The following GSR variants were observed in gnomAD, a reference collection of about 807,000 sequenced individuals.
GSR encodes the protein glutathione reductase, mitochondrial.
A neutral mutation model predicts 56.5 loss-of-function variants in GSR; 48 were observed. The ratio of observed to expected loss-of-function variants is 0.85; its 90% CI spans 0.67 to 1.08. The LOEUF is 1.08. GSR is among the 50% of genes least tolerant of loss of function. The pLI is 0.00. For synonymous variants in GSR, 264 were observed against 270.8 expected (o/e 0.97, Z 0.25); for missense variants, 694 against 703.3 (o/e 0.99, Z 0.15).
At chr8:30,713,068 G>A (rs554728255) in intron 1 of GSR, among the ~76,000 whole-genome samples, 4 of 150,780 alleles carry the variant, frequency 2.7e-5, no homozygotes, top group Admixed American at 6.6e-5. Flanking sequence ...ACGGAGTCTC[G>A]CTTTGTTGCC....
intron 1 of GSR, among the ~76,000 whole-genome samples, chr8:30,713,247 T>C (rs182567597): frequency 6.6e-6 from 1 of 152,196 alleles, no homozygotes; most frequent in Non-Finnish European, 1.5e-5. Flanking sequence ...ATGTTGGCCA[T>C]GCTGGTCTCG....
chr8:30,681,497 C>A (rs1006212870), intron 11 of GSR, among the ~76,000 whole-genome samples: 7 of 151,638 alleles, frequency 4.6e-5, no homozygotes, highest in African/African-American at 1.2e-4. Flanking sequence ...TGCACTCCAG[C>A]CTGGGTGACA....
intron 5 of GSR, 49 bp from the exon 6 acceptor site, chr8:30,700,184 G>C: frequency 2.3e-6 from 3 of 1,286,422 alleles, no homozygotes; most frequent in Non-Finnish European, 3.4e-6. Flanking sequence ...TCTTTCTCTT[G>C]CAAAGTAATC....
In GSR at chr8:30,689,202, CA is replaced by C. The variant is rs1364611737; in HGVS notation, c.999del (p.Ile333MetfsTer10). 8.1e-6 allele frequency: 13 copies of C among 1,614,048 alleles called. No homozygotes were observed. The Middle Eastern group carries it at 4.9e-4, about 61-fold the overall frequency. Reference protein sequence around the residue: ...IPDVDCLLWAIGRVPNTKDLS... With the variant: ...IPDVDCLLWAXGRVPNTKDLS... Reference sequence around the variant, plus strand: ...AGGTCCTTGGTATTCGGGACCCGCCCAATGGCCCAGAGCAGGCAGTCAACAT... The same window carrying C: ...AGGTCCTTGGTATTCGGGACCCGCCCATGGCCCAGAGCAGGCAGTCAACAT... On this transcript the variant is annotated frameshift_variant, in exon 9 of 13. Coordinates refer to ENST00000221130, the MANE Select transcript of GSR (RefSeq NM_000637.5). LOFTEE classifies it high-confidence loss of function.
intron 1 of GSR, among the ~76,000 whole-genome samples, chr8:30,724,164 G>A (rs929542301): frequency 3.9e-5 from 6 of 152,144 alleles, no homozygotes; most frequent in Non-Finnish European, 7.3e-5. Flanking sequence ...TTGAGTCCAG[G>A]AGTTCAATAC....
chr8:30,696,480 C>T lies in GSR; in HGVS notation c.696-1G>A. On this transcript the variant is annotated splice_acceptor_variant, in intron 6 of 12. Coordinates refer to ENST00000221130, the MANE Select transcript of GSR (RefSeq NM_000637.5). LOFTEE classifies it high-confidence loss of function. ...ACCTGCACCAACAATGACGCTGCGG[C>T]TGAGACGCGAGCAGAGGGTTAGTAT... 1 of 1,599,892 alleles carries T rather than the reference C, an allele frequency of 6.3e-7. No homozygotes were observed. Among genetic ancestry groups the T allele is most frequent in the Non-Finnish European group, 8.6e-7 (1 of 1,167,078 alleles).
intron 2 of GSR, 22 bp from the exon 3 acceptor site, chr8:30,709,924 A>AAG: frequency 8.3e-7 from 1 of 1,206,720 alleles, no homozygotes; most frequent in Non-Finnish European, 1.2e-6. Context: ...AAAAAAAAAA[A>AAG]GGATCCAAAA....
rs146147805 is a variant in GSR at position 30,723,578 on chromosome 8, G to T, written c.306+3952C>A. Among the ~76,000 whole-genome samples the T allele has an allele frequency of 9.8e-3, 1,490 of 152,136 alleles. 29 individuals carry two copies. Among genetic ancestry groups the T allele is most frequent in the African/African-American group, 0.034 (1,413 of 41,480 alleles). On this transcript the variant is annotated intron_variant, in intron 1 of 12. Coordinates refer to ENST00000221130, the MANE Select transcript of GSR (RefSeq NM_000637.5). The stretch of plus-strand genomic sequence containing the variant: ...GGCTGAGGCGGGTGGATCACTTTAG[G>T]TCAGGAGTTCGGGATCAGCCTGGCC...
rs33969608 is a variant in GSR at position 30,714,202 on chromosome 8, CTTTTTTTT to C, written c.307-2122_307-2115del. Among the ~76,000 whole-genome samples, 441 of 64,010 alleles carry C rather than the reference CTTTTTTTT, an allele frequency of 6.9e-3. 3 individuals are homozygous for C. The highest frequency in any genetic ancestry group is 0.011 in the Admixed American group (38 of 3,588). The allele number at this position is 64,010 out of a possible 152,430, so 42.0% of individuals were successfully genotyped here. A position where few individuals can be genotyped will look rare whatever the true frequency, so the allele number is the denominator to read the frequency against. On this transcript the variant is annotated intron_variant, in intron 1 of 12. Coordinates refer to ENST00000221130, the MANE Select transcript of GSR (RefSeq NM_000637.5). ...AAACTTTCACATTTTGTTCTATATG[CTTTTTTTT>C]TTTTTTTTTTTTTTTTTTTGAGACA...
At chr8:30,684,928 CATTTATTTATTT>C (rs57141426) in intron 9 of GSR, among the ~76,000 whole-genome samples, 26,134 of 133,640 alleles carry the variant, frequency 0.2, 2,702 homozygotes, top group East Asian at 0.28. Context: ...TTTTAACATA[CATTTATTTATTT>C]ATTTATTTAT....
chr8:30,712,452 A>C (rs1804184914), intron 1 of GSR, among the ~76,000 whole-genome samples: 1 of 152,128 alleles, frequency 6.6e-6, no homozygotes, highest in Non-Finnish European at 1.5e-5. Flanking sequence ...GAGCTGAGGC[A>C]GTTGGATTGC....
chr8:30,708,014 G>A (rs1303815887), intron 4 of GSR, 58 bp downstream of exon 4: 1 of 1,043,432 alleles, frequency 9.6e-7, no homozygotes, highest in East Asian at 2.4e-5. Flanking sequence ...GCAAGACTTA[G>A]CTGAGTACTC....
At chr8:30,696,069 C>T (rs1166462573) in intron 7 of GSR, among the ~76,000 whole-genome samples, 1 of 151,968 alleles carries the variant, frequency 6.6e-6, no homozygotes, top group African/African-American at 2.4e-5. Flanking sequence ...ATAAATTAAC[C>T]TAACAGTCTG....
At chr8:30,720,550 T>C (rs1285573003) in intron 1 of GSR, among the ~76,000 whole-genome samples, 1 of 152,190 alleles carries the variant, frequency 6.6e-6, no homozygotes, top group Non-Finnish European at 1.5e-5. Flanking sequence ...TAATGCTGTC[T>C]GGACATGGCC....
chr8:30,704,225 T>G (rs1803849059), intron 4 of GSR, among the ~76,000 whole-genome samples: 1 of 152,076 alleles, frequency 6.6e-6, no homozygotes, highest in Non-Finnish European at 1.5e-5. Context: ...CTCAGGAGGC[T>G]GAGGCACGAG....
At position 30,684,118 on chromosome 8, in the gene GSR, C is replaced by A. The variant is rs1384887537; in HGVS notation, c.1123G>T (p.Asp375Tyr). ...GTAAGAAGAGCTTTTCCACATACATCCCCAACTGCATAGATGCCTTTGACG... is the reference window on the plus strand; with the variant it reads ...GTAAGAAGAGCTTTTCCACATACATACCCAACTGCATAGATGCCTTTGACG... ...TNVKGIYAVGDVCGKALLTPV... is the reference protein window; with the variant it reads ...TNVKGIYAVGYVCGKALLTPV... The change falls in exon 10 of 13, where the codon GAT becomes TAT. Residue 375 changes from aspartate to tyrosine, a missense_variant. Transcript: ENST00000221130. The A allele has an allele frequency of 1.3e-6, 2 of 1,599,596 alleles. No individual in the cohort carries two copies. The highest frequency in any genetic ancestry group is 1.7e-5 in the Admixed American group (1 of 59,996).
chr8:30,680,672 G>T (rs538100320), intron 12 of GSR, among the ~76,000 whole-genome samples: 9 of 152,116 alleles, frequency 5.9e-5, no homozygotes, highest in Non-Finnish European at 1.0e-4. Context: ...TGGGATTACA[G>T]GTGTGAGCCA....
intron 5 of GSR, 131 bp from the exon 6 acceptor site, chr8:30,700,266 G>T: frequency 1.4e-6 from 1 of 737,422 alleles, no homozygotes; most frequent in Non-Finnish European, 2.4e-6. Flanking sequence ...TTTTGTTAAA[G>T]TCTCTGCTTG....
intron 6 of GSR, among the ~76,000 whole-genome samples, chr8:30,699,390 C>T (rs1023310920): frequency 4.0e-5 from 6 of 151,752 alleles, no homozygotes; most frequent in African/African-American, 1.5e-4. Flanking sequence ...GGGCGGATCA[C>T]CTGAGGTCAG....
Sources: allele counts gnomAD v4.1 joint callset (sites outside exome capture counted in the v4.1 genomes callset), GRCh38; gene constraint gnomAD v4.1.1; transcripts MANE v1.5; gene names NCBI Gene and HGNC (gene_info 2026-07-23, HGNC 2026-07-21).